The following C2CD3 variants were observed in gnomAD, a reference collection of about 807,000 sequenced individuals.
C2CD3 encodes the protein C2 domain-containing protein 3.
A neutral mutation model predicts 234.0 loss-of-function variants in C2CD3; 148 were observed. The observed-to-expected ratio is 0.63, with a 90% CI of 0.55 to 0.72. The LOEUF (loss-of-function observed/expected upper bound fraction) is 0.72, where lower values mean the gene tolerates loss of function less well. Ranked by LOEUF, C2CD3 falls within the 30% of genes least tolerant of loss-of-function variation. The probability of loss-of-function intolerance (pLI) is 0.00; values close to 1 mark genes in which losing one functional copy is unlikely to be tolerated. For missense variants in C2CD3, 2,577 were observed against 2,811.5 expected (o/e 0.92, Z 1.89); for synonymous variants, 1,000 against 1,035.4 (o/e 0.97, Z 0.66).
chr11:74,168,736 T>C, intron 1 of C2CD3, 123 bp from the exon 2 acceptor site: 1 of 847,942 alleles, frequency 1.2e-6, no homozygotes, highest in Non-Finnish European at 1.8e-6. Context: ...TATCACCACT[T>C]AGAAAGAAGG....
intron 23 of C2CD3, among the ~76,000 whole-genome samples, chr11:74,075,278 T>C (rs1321642975): frequency 6.7e-6 from 1 of 149,260 alleles, no homozygotes; most frequent in Non-Finnish European, 1.5e-5. Flanking sequence ...TCGTGTCTCA[T>C]GGGCTCCTGT....
chr11:74,120,434 A>G (rs976196793), intron 8 of C2CD3, among the ~76,000 whole-genome samples: 1 of 152,206 alleles, frequency 6.6e-6, no homozygotes, highest in Non-Finnish European at 1.5e-5. Context: ...AGCTGCATCC[A>G]TGTCCCTGCA....
rs201539082 is a variant in C2CD3, at chr11:74,123,665, TA to T, written c.1218-531del. Among the ~76,000 whole-genome samples the T allele has an allele frequency of 4.2e-3, 631 of 151,142 alleles. 17 individuals carry two copies. The East Asian group carries it at 0.073, about 18-fold the overall frequency. ...TTACAAACTAATAGGAAGATAAGCATATAAGTAACTATAAACTCAGAATTTT... is the reference window on the plus strand; with the variant it reads ...TTACAAACTAATAGGAAGATAAGCATTAAGTAACTATAAACTCAGAATTTT... On this transcript the variant is annotated intron_variant, in intron 7 of 32. Transcript: ENST00000334126.
At chr11:74,098,383 TA>T (rs1956190342) in intron 15 of C2CD3, 128 bp from the exon 16 acceptor site, 2 of 952,920 alleles carry the variant, frequency 2.1e-6, no homozygotes, top group Non-Finnish European at 3.1e-6. Context: ...ATAGTGGTTT[TA>T]AAAAATGTGT....
At chr11:74,107,092 C>T (rs1956552430) in intron 12 of C2CD3, among the ~76,000 whole-genome samples, 1 of 152,180 alleles carries the variant, frequency 6.6e-6, no homozygotes, top group African/African-American at 2.4e-5. Context: ...GAGGCTGAGG[C>T]AGGCAGATCA....
At chr11:74,121,538 T>G (rs1024662836) in intron 8 of C2CD3, among the ~76,000 whole-genome samples, 1 of 129,520 alleles carries the variant, frequency 7.7e-6, no homozygotes, top group Non-Finnish European at 1.6e-5. Context: ...ACCTGGGAGG[T>G]GGAGGTTGCG....
At chr11:74,097,627 A>G (rs1331207952) in intron 16 of C2CD3, among the ~76,000 whole-genome samples, 3 of 152,264 alleles carry the variant, frequency 2.0e-5, no homozygotes, top group Admixed American at 1.3e-4. Flanking sequence ...TTACTAGTAG[A>G]TAAGCAAGCA....
At position 74,117,075 on chromosome 11, in the gene C2CD3, AATATATATATGAATATATATATATGAAT is replaced by A. The variant is rs1565313366; in HGVS notation, c.1520+1125_1520+1152del. ...ATATATATATGAATATATATATATG[AATATATATATGAATATATATATATGAAT>A]ATATATATATGAATATATATATATG... On this transcript the variant is annotated intron_variant, in intron 9 of 32. Transcript: ENST00000334126. 8.6e-3 allele frequency among the ~76,000 whole-genome samples: 199 copies of A among 23,024 alleles called. 9 individuals carry two copies. The highest frequency in any genetic ancestry group is 0.011 in the Non-Finnish European group (163 of 15,286). The allele number at this position is 23,024 out of a possible 152,430, so 15.1% of individuals were successfully genotyped here.
At chr11:74,101,143 C>T (rs1956300384) in intron 14 of C2CD3, among the ~76,000 whole-genome samples, 1 of 152,232 alleles carries the variant, frequency 6.6e-6, no homozygotes, top group Non-Finnish European at 1.5e-5. Flanking sequence ...GTGCCAAAAG[C>T]TCTGCCCAAC....
chr11:74,017,591 TG>T (rs1382716005), intron 32 of C2CD3, among the ~76,000 whole-genome samples: 1 of 152,204 alleles, frequency 6.6e-6, no homozygotes, highest in Non-Finnish European at 1.5e-5. Context: ...CATAAGGAGC[TG>T]GTTCTAGTCC....
chr11:74,079,026 C>G (rs577755817), intron 22 of C2CD3, among the ~76,000 whole-genome samples: 1 of 152,192 alleles, frequency 6.6e-6, no homozygotes, highest in South Asian at 2.1e-4. Context: ...AAAACTGATG[C>G]TAGTGCTGTC....
At chr11:74,049,617 G>A (rs1953576670) in intron 26 of C2CD3, 75 bp from the exon 27 acceptor site, 1 of 1,162,710 alleles carries the variant, frequency 8.6e-7, no homozygotes, top group African/African-American at 1.5e-5. Context: ...TGCACACAGA[G>A]AAGCTGATTC....
rs1957718867 is a variant in C2CD3 at position 74,132,835 on chromosome 11, A to G, written c.1217+9T>C. ...TTTAAAAGGAAGAAAGCCAGTTAAT[A>G]GTGCTTACCTGCCTAATAGCAGCTG... is the stretch of plus-strand genomic sequence containing the variant. On this transcript the variant is annotated intron_variant, in intron 7 of 32. Coordinates refer to ENST00000334126, the MANE Select transcript of C2CD3 (RefSeq NM_001286577.2). 1.2e-6 allele frequency: 2 copies of G among 1,610,556 alleles called. No homozygotes were observed. The highest frequency in any genetic ancestry group is 8.5e-7 in the Non-Finnish European group (1 of 1,178,658).
chr11:74,098,931 G>A (rs991850155), intron 15 of C2CD3, among the ~76,000 whole-genome samples: 9 of 152,082 alleles, frequency 5.9e-5, no homozygotes, highest in African/African-American at 2.2e-4. Flanking sequence ...TTTTTAAAAC[G>A]TACGCAATGA....
intron 22 of C2CD3, among the ~76,000 whole-genome samples, chr11:74,081,607 A>T (rs1187205745): frequency 3.2e-5 from 1 of 31,246 alleles, no homozygotes; most frequent in Non-Finnish European, 5.8e-5. Flanking sequence ...CATATTCTTC[A>T]TCATCATCAT....
Position 74,114,337 on chromosome 11 carries a change from C to T in C2CD3, c.1730+47G>A, listed in dbSNP as rs574554326. 3.1e-6 allele frequency: 4 copies of T among 1,305,562 alleles called. No individual in the cohort carries two copies. In the East Asian group the frequency reaches 9.4e-5, roughly 31 times the overall value. 80.9% of individuals were successfully genotyped at this position (1,305,562 alleles called of 1,614,324 possible). A position where few individuals can be genotyped will look rare whatever the true frequency, so the allele number is the denominator to read the frequency against. On this transcript the variant is annotated intron_variant, in intron 10 of 32. Coordinates refer to ENST00000334126, the MANE Select transcript of C2CD3 (RefSeq NM_001286577.2). ...AATTGTTGATTATTACCATCAGACA[C>T]ACTTTCCAAAAATGTCAAATTTAGC...
Position 74,078,497 on chromosome 11 carries a change from G to A in C2CD3, c.4221C>T (p.Val1407=). 1 of 1,614,180 alleles carries A rather than the reference G, an allele frequency of 6.2e-7. No individual in the cohort carries two copies. Among genetic ancestry groups the A allele is most frequent in the Non-Finnish European group, 8.5e-7 (1 of 1,180,030 alleles). The part of the protein sequence containing the change: ...VRMDEGEPAT[V]TISTPRLWLP... ...GCCACAGCCTTGGGGTGGAGATGGT[G>A]ACAGTGGCTGGCTCCCCTTCATCCA... Residue 1407 remains valine (V), a synonymous_variant, in exon 23 of 33, where the codon GTC becomes GTT. Coordinates refer to ENST00000334126, the MANE Select transcript of C2CD3 (RefSeq NM_001286577.2).
chr11:74,104,974 T>C (rs1956454998), intron 13 of C2CD3, among the ~76,000 whole-genome samples: 1 of 152,168 alleles, frequency 6.6e-6, no homozygotes, highest in Non-Finnish European at 1.5e-5. Flanking sequence ...GAGTAGGTGA[T>C]GTTAATTTTT....
chr11:74,034,953 G>A (rs572118984), intron 30 of C2CD3, among the ~76,000 whole-genome samples: 15 of 152,338 alleles, frequency 9.8e-5, no homozygotes, highest in Non-Finnish European at 1.8e-4. Context: ...ACACTGTGTG[G>A]TGAATATATA....
Sources: gnomAD v4.1 joint callset for allele counts (sites outside exome capture counted in the v4.1 genomes callset) on GRCh38, gnomAD v4.1.1 for gene constraint, MANE v1.5 for transcripts, NCBI Gene and HGNC (gene_info 2026-07-23, HGNC 2026-07-21) for gene names.